SH3BP4: variants seen among roughly 807,000 people sequenced by gnomAD.
SH3BP4 encodes the protein SH3 domain-binding protein 4.
Under a neutral mutation model 65.5 loss-of-function variants are expected in SH3BP4, and 33 were observed. That is an observed-to-expected ratio of 0.50 (90% CI 0.38 to 0.67). SH3BP4 has a LOEUF of 0.67. Ranked by LOEUF, SH3BP4 falls within the 30% of genes least tolerant of loss-of-function variation. The pLI, the probability that SH3BP4 is intolerant of heterozygous loss-of-function variation, is 0.00. For missense variants in SH3BP4, 1,134 were observed against 1,261.4 expected, an observed-to-expected ratio of 0.90 and a Z score of 1.53; for synonymous variants, 552 against 545.5, an observed-to-expected ratio of 1.01 and a Z score of -0.17.
At chr2:235,028,959 T>G (rs1328683411) in intron 2 of SH3BP4, among the ~76,000 whole-genome samples, 1 of 152,114 alleles carries the variant, frequency 6.6e-6, no homozygotes, top group Non-Finnish European at 1.5e-5. Context: ...GTTGGGCTTC[T>G]AGGGCACTGG....
intron 1 of SH3BP4, among the ~76,000 whole-genome samples, chr2:234,964,392 T>G (rs1692786887): frequency 6.6e-6 from 1 of 152,194 alleles, no homozygotes; most frequent in South Asian, 2.1e-4. Context: ...GACTCACTGC[T>G]GAGCCCCTCT....
intron 1 of SH3BP4, among the ~76,000 whole-genome samples, chr2:234,966,002 C>T (rs931009877): frequency 1.4e-4 from 21 of 152,128 alleles, no homozygotes; most frequent in African/African-American, 4.6e-4. Flanking sequence ...TTTGGCCTGG[C>T]GAGGTTGAGG....
chr2:235,037,503 A>T (rs868677738), intron 3 of SH3BP4, among the ~76,000 whole-genome samples: 4 of 152,210 alleles, frequency 2.6e-5, no homozygotes, highest in Non-Finnish European at 4.4e-5. Context: ...AAACTGAATG[A>T]TAATTCTCAT....
chr2:234,996,573 G>T (rs1693925303), intron 2 of SH3BP4, among the ~76,000 whole-genome samples: 1 of 152,220 alleles, frequency 6.6e-6, no homozygotes, highest in African/African-American at 2.4e-5. Flanking sequence ...GAGGCCACCA[G>T]CAGGCCTTTC....
chr2:235,014,234 C>T (rs1177178194), intron 2 of SH3BP4, among the ~76,000 whole-genome samples: 5 of 152,160 alleles, frequency 3.3e-5, no homozygotes, highest in Non-Finnish European at 7.3e-5. Flanking sequence ...CGAGCAGGAT[C>T]GGGCGATGCC....
At chr2:235,025,615 A>G (rs1005903512) in intron 2 of SH3BP4, among the ~76,000 whole-genome samples, 6 of 152,246 alleles carry the variant, frequency 3.9e-5, no homozygotes, top group African/African-American at 1.2e-4. Flanking sequence ...ATGCTGGAAA[A>G]TTATAAAGAC....
chr2:234,993,263 C>T (rs1693809188), intron 1 of SH3BP4, among the ~76,000 whole-genome samples: 1 of 152,186 alleles, frequency 6.6e-6, no homozygotes, highest in Non-Finnish European at 1.5e-5. Flanking sequence ...TCACTGGACT[C>T]GCCCCCCGCC....
chr2:235,018,163 A>C (rs1040979775), intron 2 of SH3BP4, among the ~76,000 whole-genome samples: 2 of 152,132 alleles, frequency 1.3e-5, no homozygotes, highest in African/African-American at 4.8e-5. Context: ...GGAGGAAGAA[A>C]GTTGGATGAG....
chr2:235,020,096 C>G (rs553808838), intron 2 of SH3BP4, among the ~76,000 whole-genome samples: 10 of 152,290 alleles, frequency 6.6e-5, no homozygotes, highest in African/African-American at 2.2e-4. Context: ...GAAACAGACA[C>G]CACTGAGCTG....
Position 235,041,957 on chromosome 2 carries a change from A to G in SH3BP4, c.1188A>G (p.Lys396=). The change falls in exon 4 of 6, where the codon AAA becomes AAG. Residue 396 remains lysine, a synonymous_variant. Coordinates refer to ENST00000392011, the MANE Select transcript of SH3BP4 (RefSeq NM_014521.3). This position sits in a 1 kb window ranked among gnomAD's most constrained non-coding sequence, Gnocchi z 6.0. The stretch of plus-strand genomic sequence containing the variant: ...AAACCTCTATCATCTTGGAGATGAA[A>G]GTGTCAGCCGAGATAAAAAATGACC... The part of the protein sequence containing the change: ...EVKTSIILEM[K]VSAEIKNDLF... 1 of 1,613,490 alleles carries G rather than the reference A, an allele frequency of 6.2e-7. No homozygotes were observed. The highest frequency in any genetic ancestry group is 1.1e-5 in the South Asian group (1 of 91,068).
Position 235,003,066 on chromosome 2 carries a change from G to GA in SH3BP4, c.-133+7693dup, listed in dbSNP as rs1694182803. On this transcript the variant is annotated intron_variant, in intron 2 of 5. Coordinates refer to ENST00000392011, the MANE Select transcript of SH3BP4 (RefSeq NM_014521.3). ...GGCAGGTCTGCCTCTTAGTTGCTAT[G>GA]AAATAGTTTGCCCAACTTGGATGCT... 2.0e-5 allele frequency among the ~76,000 whole-genome samples: 3 copies of GA among 152,402 alleles called. No homozygotes were observed. The South Asian group carries it at 6.2e-4, about 32-fold the overall frequency.
chr2:234,960,857 A>G (rs10199915), intron 1 of SH3BP4, among the ~76,000 whole-genome samples: 17,810 of 152,218 alleles, frequency 0.12, 1,118 homozygotes, highest in East Asian at 0.23. Context: ...CCTTGGTAAG[A>G]ATTACATGGC....
chr2:235,051,253 C>T (rs1283641579), intron 4 of SH3BP4, among the ~76,000 whole-genome samples: 1 of 152,206 alleles, frequency 6.6e-6, no homozygotes, highest in Non-Finnish European at 1.5e-5. Context: ...CACCCAGTGG[C>T]AGTCATGTGA....
intron 3 of SH3BP4, among the ~76,000 whole-genome samples, chr2:235,039,999 C>T (rs1011666173): frequency 5.3e-5 from 8 of 152,166 alleles, no homozygotes; most frequent in Non-Finnish European, 8.8e-5. Context: ...TTTTGGGAGG[C>T]TGAGGCGGGA....
In SH3BP4 at chr2:235,040,899, A is replaced by C. The variant is rs1484220243; in HGVS notation, c.130A>C (p.Ser44Arg). The C allele has an allele frequency of 5.6e-6, 9 of 1,610,766 alleles. No individual in the cohort carries two copies. The highest frequency in any genetic ancestry group is 7.6e-6 in the Non-Finnish European group (9 of 1,177,138). ...TGTGTTTTGCACAGTGCCTTCTCCC[A>C]GTGCCTTGCTCGTAGACAACCCCAC... ...SFNDIKVPSP[S>R]ALLVDNPTPF... The change falls in exon 4 of 6, where the codon AGT becomes CGT. Residue 44 changes from serine to arginine, a missense_variant. Physicochemically the swap from Ser to Arg is moderately radical, Grantham distance 110 (BLOSUM62 -1). Coordinates refer to ENST00000392011, the MANE Select transcript of SH3BP4 (RefSeq NM_014521.3).
intron 2 of SH3BP4, among the ~76,000 whole-genome samples, chr2:235,001,684 A>G (rs1694104644): frequency 6.6e-6 from 1 of 152,198 alleles, no homozygotes; most frequent in Non-Finnish European, 1.5e-5. Context: ...ATAGGTTAAT[A>G]GAAACCCACA....
chr2:234,955,313 TCC>T (rs1692561757), intron 1 of SH3BP4, among the ~76,000 whole-genome samples: 2 of 152,110 alleles, frequency 1.3e-5, no homozygotes, highest in African/African-American at 4.8e-5. Context: ...GTCTCTGGGC[TCC>T]CCAGCTATTT....
At chr2:235,023,393 A>G (rs936344798) in intron 2 of SH3BP4, among the ~76,000 whole-genome samples, 1 of 152,098 alleles carries the variant, frequency 6.6e-6, no homozygotes. Context: ...TTTAAAATAC[A>G]AAAAAATAAC....
At position 235,052,441 on chromosome 2, in the gene SH3BP4, C is replaced by T; in HGVS notation, c.2479-121C>T. The T allele has an allele frequency of 1.4e-6, 1 of 713,242 alleles. No homozygotes were observed. The highest frequency in any genetic ancestry group is 2.2e-6 in the Non-Finnish European group (1 of 450,896). 44.2% of individuals were successfully genotyped at this position (713,242 alleles called of 1,614,324 possible). A position where few individuals can be genotyped will look rare whatever the true frequency, so the allele number is the denominator to read the frequency against. ...TTTCAGGGGACATTTGGTAGTAGGC[C>T]AGGGAACATGGAGAATAGAGAGCCC... On this transcript the variant is annotated intron_variant, in intron 4 of 5. Transcript: ENST00000392011. The surrounding 1 kb of genome is among the most constrained non-coding windows in gnomAD (Gnocchi z 5.0).
Sources: gnomAD v4.1 joint callset for allele counts (sites outside exome capture counted in the v4.1 genomes callset) on GRCh38, gnomAD v4.1.1 for gene constraint, Gnocchi (gnomAD v3.1) non-coding constraint, MANE v1.5 for transcripts, NCBI Gene and HGNC (gene_info 2026-07-23, HGNC 2026-07-21) for gene names.